The following NOXRED1 variants were observed in gnomAD, a reference collection of about 807,000 sequenced individuals.
NOXRED1 encodes the protein NADP-dependent oxidoreductase domain-containing protein 1.
Under a neutral mutation model 30.4 loss-of-function variants are expected in NOXRED1, and 20 were observed. The ratio of observed to expected loss-of-function variants is 0.66; its 90% CI spans 0.46 to 0.96. The LOEUF is 0.96. NOXRED1 is among the 40% of genes least tolerant of loss of function. NOXRED1 has a pLI of 0.00. For synonymous variants in NOXRED1, 155 were observed against 168.0 expected (o/e 0.92, Z 0.60); for missense variants, 374 against 428.0 (o/e 0.87, Z 1.11).
intron 2 of NOXRED1, among the ~76,000 whole-genome samples, chr14:77,412,230 A>G (rs1329631694): frequency 6.6e-6 from 1 of 152,190 alleles, no homozygotes; most frequent in African/African-American, 2.4e-5. Flanking sequence ...ATTATGGTAC[A>G]TCCATACTTT....
At chr14:77,404,219 G>A (rs1894399236) in intron 5 of NOXRED1, among the ~76,000 whole-genome samples, 1 of 152,134 alleles carries the variant, frequency 6.6e-6, no homozygotes, top group African/African-American at 2.4e-5. Flanking sequence ...GGAAACAAGA[G>A]ATCCAATACA....
chr14:77,407,500 A>G lies in NOXRED1; in HGVS notation c.495T>C (p.Ile165=), dbSNP rs889118810. The part of the protein sequence containing the change: ...EIYTSLEKAS[I]VYSFVAAIPL... The stretch of plus-strand genomic sequence containing the variant: ...GGATGGCAGCTACAAAGCTGTACAC[A>G]ATGCTGGCCTTCTCAAGGCTGGTGT... Residue 165 remains isoleucine (I), a synonymous_variant, in exon 3 of 6, where the codon ATT becomes ATC. Transcript: ENST00000380835. The G allele has an allele frequency of 6.2e-7, 1 of 1,614,014 alleles. No individual in the cohort carries two copies. Among genetic ancestry groups the G allele is most frequent in the African/African-American group, 1.3e-5 (1 of 74,920 alleles).
chr14:77,401,890 GT>G (rs1894334915), intron 5 of NOXRED1, among the ~76,000 whole-genome samples: 1 of 152,174 alleles, frequency 6.6e-6, no homozygotes, highest in African/African-American at 2.4e-5. Context: ...CATAAATATA[GT>G]TAACTGCTCT....
intron 5 of NOXRED1, among the ~76,000 whole-genome samples, chr14:77,395,691 T>C (rs1295607919): frequency 6.6e-6 from 1 of 151,934 alleles, no homozygotes; most frequent in East Asian, 1.9e-4. Context: ...TAGTCCCAGC[T>C]ACTCAGGAGG....
chr14:77,401,347 G>C (rs541970810), intron 5 of NOXRED1, among the ~76,000 whole-genome samples: 1 of 151,934 alleles, frequency 6.6e-6, no homozygotes, highest in South Asian at 2.1e-4. Flanking sequence ...ACTCCAGCAT[G>C]GGCAACAGAA....
chr14:77,408,144 A>G (rs1222623807), intron 2 of NOXRED1, among the ~76,000 whole-genome samples: 5 of 152,200 alleles, frequency 3.3e-5, no homozygotes, highest in African/African-American at 9.6e-5. Flanking sequence ...CAGGGATTAC[A>G]GGCGTGAGCC....
At chr14:77,406,672 C>G in intron 4 of NOXRED1, 52 bp downstream of exon 4, 1 of 1,538,686 alleles carries the variant, frequency 6.5e-7, no homozygotes, top group South Asian at 1.1e-5. Flanking sequence ...TAGCAATGGG[C>G]CAACAGGAAA....
chr14:77,415,983 G>A (rs1253107182), intron 1 of NOXRED1, among the ~76,000 whole-genome samples: 2 of 152,002 alleles, frequency 1.3e-5, no homozygotes, highest in Non-Finnish European at 2.9e-5. Flanking sequence ...CCAAAGTGCT[G>A]GGATTATAGG....
At chr14:77,405,661 A>G (rs1362592455) in intron 5 of NOXRED1, among the ~76,000 whole-genome samples, 1 of 152,222 alleles carries the variant, frequency 6.6e-6, no homozygotes, top group African/African-American at 2.4e-5. Context: ...ATAGATATGC[A>G]TATACATTAT....
At chr14:77,411,555 CTG>C (rs1241078339) in intron 2 of NOXRED1, among the ~76,000 whole-genome samples, 3 of 150,468 alleles carry the variant, frequency 2.0e-5, no homozygotes, top group African/African-American at 4.9e-5. Flanking sequence ...ACACTACAAA[CTG>C]TATGATTCCA....
intron 4 of NOXRED1, 83 bp downstream of exon 4, chr14:77,406,641 A>T: frequency 8.5e-7 from 1 of 1,173,676 alleles, no homozygotes; most frequent in South Asian, 1.2e-5. Context: ...ACACAGAGAG[A>T]GAGAGATTGA....
At chr14:77,420,023 G>C (rs192282298) in intron 1 of NOXRED1, among the ~76,000 whole-genome samples, 1 of 152,056 alleles carries the variant, frequency 6.6e-6, no homozygotes, top group Non-Finnish European at 1.5e-5. Flanking sequence ...CTCAGATCTG[G>C]GATGTTTTTG....
At chr14:77,414,251 G>C in intron 1 of NOXRED1, 124 bp from the exon 2 acceptor site, 1 of 536,564 alleles carries the variant, frequency 1.9e-6, no homozygotes, top group Non-Finnish European at 3.1e-6. Context: ...GGGTGATCTT[G>C]ACTCACCGCA....
Position 77,405,394 on chromosome 14 carries a change from CAAAAT to C in NOXRED1, c.905+514_905+518del, listed in dbSNP as rs771075112. ...TGGGTGACAGAGCAAGACTGTCTCA[CAAAAT>C]AAAATAAAATAAAATAAAGAATGTC... On this transcript the variant is annotated intron_variant, in intron 5 of 5. Transcript: ENST00000380835. Among the ~76,000 whole-genome samples, 8 of 151,802 alleles carry C rather than the reference CAAAAT, an allele frequency of 5.3e-5. No homozygotes were observed. The East Asian group carries it at 5.8e-4, about 11-fold the overall frequency.
intron 1 of NOXRED1, among the ~76,000 whole-genome samples, chr14:77,421,974 C>T (rs1335362281): frequency 6.6e-6 from 1 of 152,134 alleles, no homozygotes; most frequent in Non-Finnish European, 1.5e-5. Flanking sequence ...TTTATGCATC[C>T]TTATCAGTAA....
upstream of NOXRED1, among the ~76,000 whole-genome samples, chr14:77,424,170 C>T (rs577171022): frequency 6.6e-6 from 1 of 152,266 alleles, no homozygotes; most frequent in East Asian, 1.9e-4. Flanking sequence ...CAAAGTCTCA[C>T]CCTGGCGTGG....
intron 1 of NOXRED1, among the ~76,000 whole-genome samples, chr14:77,421,792 G>A (rs74942854): frequency 0.029 from 4,485 of 152,244 alleles, 216 homozygotes; most frequent in African/African-American, 0.1. Flanking sequence ...AAAAACCAGT[G>A]TCTTAAAGCT....
At chr14:77,407,781 T>C in intron 2 of NOXRED1, 136 bp from the exon 3 acceptor site, 2 of 638,460 alleles carry the variant, frequency 3.1e-6, no homozygotes, top group Non-Finnish European at 5.5e-6. Flanking sequence ...CAGAAGATAT[T>C]CCTTCCTACA....
rs762290669 is a variant in NOXRED1, at chr14:77,406,630, CACACAG to C, written c.682+88_682+93del. On this transcript the variant is annotated intron_variant, in intron 4 of 5. Coordinates refer to ENST00000380835, the MANE Select transcript of NOXRED1 (RefSeq NM_001113475.3). Reference sequence around the variant, plus strand: ...ACACACACACACACACACACACACACACACAGAGAGAGAGAGATTGATTTAATAAGA... The same window carrying C: ...ACACACACACACACACACACACACACAGAGAGAGAGATTGATTTAATAAGA... 4,559 of 398,632 alleles carry C rather than the reference CACACAG, an allele frequency of 0.011. 77 individuals carry two copies. The African/African-American group carries it at 0.12, about 10-fold the overall frequency. 24.7% of individuals were successfully genotyped at this position (398,632 alleles called of 1,614,324 possible).
Sources: gnomAD v4.1 joint callset for allele counts (sites outside exome capture counted in the v4.1 genomes callset) on GRCh38, gnomAD v4.1.1 for gene constraint, MANE v1.5 for transcripts, NCBI Gene and HGNC (gene_info 2026-07-23, HGNC 2026-07-21) for gene names.